The following EFNB3 variants were observed in gnomAD, a reference collection of about 807,000 sequenced individuals.
The protein encoded by EFNB3 is ephrin-B3.
EFNB3 carries 14 observed loss-of-function variants against 29.8 expected under a neutral mutation model. The ratio of observed to expected loss-of-function variants is 0.47; its 90% CI spans 0.31 to 0.73. The LOEUF (loss-of-function observed/expected upper bound fraction) is 0.73. Among genes scored for constraint, EFNB3 ranks in the 30% least tolerant of loss-of-function variants. The pLI is 0.05. For synonymous variants in EFNB3, 216 were observed against 191.6 expected (o/e 1.13, Z -1.05); for missense variants, 408 against 458.0 (o/e 0.89, Z 1.00).
rs1380331340 is a variant in EFNB3 at position 7,708,947 on chromosome 17, C to T, written c.613+208C>T. Among the ~76,000 whole-genome samples, 64 of 152,220 alleles carry T rather than the reference C, an allele frequency of 4.2e-4. No individual in the cohort carries two copies. The highest frequency in any genetic ancestry group is 1.5e-4 in the Non-Finnish European group (10 of 68,034). ...TAATTAGCCAAGTCAGTGCTTCAAT[C>T]AGTGCTGTCAGAGAAGTGGGGAGGA... On this transcript the variant is annotated intron_variant, in intron 4 of 4. Transcript: ENST00000226091. The surrounding 1 kb of genome is among the most constrained non-coding windows in gnomAD (Gnocchi z 6.8).
chr17:7,706,943 C>G (rs1303204628), intron 1 of EFNB3, among the ~76,000 whole-genome samples: 1 of 152,140 alleles, frequency 6.6e-6, no homozygotes, highest in Non-Finnish European at 1.5e-5. Flanking sequence ...CTCAGTCACC[C>G]ACCTGCCAAC....
chr17:7,706,740 G>A (rs1207689271), intron 1 of EFNB3, among the ~76,000 whole-genome samples: 4 of 152,196 alleles, frequency 2.6e-5, no homozygotes. Context: ...TTCTGAGTTT[G>A]TATCCTCAAT....
chr17:7,705,656 G>A lies in EFNB3; in HGVS notation c.58G>A (p.Gly20Arg). 1 of 1,525,692 alleles carries A rather than the reference G, an allele frequency of 6.6e-7. No individual in the cohort carries two copies. The allele number at this position is 1,525,692 out of a possible 1,614,324, so 94.5% of individuals were successfully genotyped here. ...GCGAGTCGGGGCCCTGCTGCTGCTG[G>A]GGGTTTTGGGGCTGGTGTCTGGGCT... ...GVRVGALLLL[G>R]VLGLVSGLSL... Residue 20 changes from glycine to arginine, a missense_variant, in exon 1 of 5, where the codon GGG becomes AGG. By Grantham distance (125) the Gly-to-Arg change is moderately radical. Transcript: ENST00000226091. The surrounding 1 kb of genome is among the most constrained non-coding windows in gnomAD (Gnocchi z 5.4).
In EFNB3 at chr17:7,707,813, A is replaced by G. The variant is rs1010684745; in HGVS notation, c.123-145A>G. On this transcript the variant is annotated intron_variant, in intron 1 of 4. Coordinates refer to ENST00000226091, the MANE Select transcript of EFNB3 (RefSeq NM_001406.4). The stretch of plus-strand genomic sequence containing the variant: ...ACAGAGTCCTTGGTGCCTGCTCTAT[A>G]AGAAGAGACTTTCCACTCAGACAAA... 4.3e-6 allele frequency: 4 copies of G among 919,896 alleles called. No homozygotes were observed. In the African/African-American group the frequency reaches 6.7e-5, roughly 15 times the overall value. The allele number at this position is 919,896 out of a possible 1,614,324, so 57.0% of individuals were successfully genotyped here.
Position 7,709,949 on chromosome 17 carries a change from C to T in EFNB3, c.*373C>T. On this transcript the variant is annotated 3_prime_UTR_variant, in exon 5 of 5. Coordinates refer to ENST00000226091, the MANE Select transcript of EFNB3 (RefSeq NM_001406.4). The surrounding 1 kb of genome is among the most constrained non-coding windows in gnomAD (Gnocchi z 4.5). ...TTGGCACCGCCTTCTTTCTGCCTCT[C>T]ACTGGTTTTCTCTTCTCTATCTCTT... 1 of 367,920 alleles carries T rather than the reference C, an allele frequency of 2.7e-6. No individual in the cohort carries two copies. The highest frequency in any genetic ancestry group is 5.0e-6 in the Non-Finnish European group (1 of 200,932). The allele number at this position is 367,920 out of a possible 1,614,324, so 22.8% of individuals were successfully genotyped here.
Position 7,708,453 on chromosome 17 carries a change from G to T in EFNB3, c.434G>T (p.Arg145Leu). Residue 145 changes from arginine to leucine, a missense_variant, in exon 3 of 5, where the codon CGG (arginine) becomes CTG (leucine). Around this residue, in one of 3 missense-constraint regions of EFNB3, gnomAD observed 47 missense variants for 86.6 expected, o/e 0.54. Transcript: ENST00000226091. This position sits in a 1 kb window ranked among gnomAD's most constrained non-coding sequence, Gnocchi z 6.8. ...CTCCCAGCCACATCGGATGGGACCC[G>T]GGAGGGCCTGGAGAGCCTGCAGGGA... ...YYIIATSDGT[R>L]EGLESLQGGV... is the part of the protein sequence containing the mutation. 1 of 1,613,536 alleles carries T rather than the reference G, an allele frequency of 6.2e-7. No individual in the cohort carries two copies. The highest frequency in any genetic ancestry group is 1.1e-5 in the South Asian group (1 of 90,956).
At chr17:7,706,353 CT>C in intron 1 of EFNB3, among the ~76,000 whole-genome samples, 1 of 152,206 alleles carries the variant, frequency 6.6e-6, no homozygotes. Context: ...CTGGAGCCCC[CT>C]GAACCCTCCT....
rs775048657 is a variant in EFNB3 at position 7,708,427 on chromosome 17, T to C, written c.416-8T>C. 4 of 1,610,300 alleles carry C rather than the reference T, an allele frequency of 2.5e-6. No individual in the cohort carries two copies. The highest frequency in any genetic ancestry group is 4.5e-5 in the East Asian group (2 of 44,830). On this transcript the variant is annotated splice_region_variant and splice_polypyrimidine_tract_variant and intron_variant, in intron 2 of 4. Transcript: ENST00000226091. This position sits in a 1 kb window ranked among gnomAD's most constrained non-coding sequence, Gnocchi z 6.8. ...TGCCAACCTCTTCCTCTGGCTTTTC[T>C]CTCCCAGCCACATCGGATGGGACCC...
At chr17:7,707,057 G>A (rs79220810) in intron 1 of EFNB3, among the ~76,000 whole-genome samples, 4,402 of 152,230 alleles carry the variant, frequency 0.029, 89 homozygotes, top group African/African-American at 0.059. Context: ...TCTTTCGGAT[G>A]TGGGGTGGGA....
chr17:7,709,083 G>C lies in EFNB3; in HGVS notation c.614-84G>C. On this transcript the variant is annotated intron_variant, in intron 4 of 4. Coordinates refer to ENST00000226091, the MANE Select transcript of EFNB3 (RefSeq NM_001406.4). This position sits in a 1 kb window ranked among gnomAD's most constrained non-coding sequence, Gnocchi z 4.5. The stretch of plus-strand genomic sequence containing the variant: ...TGGGCGCTACAAGGGAAGCCCATGG[G>C]GACCCCCAGGGTTGGGTGTCCAGGT... 1.9e-5 allele frequency: 27 copies of C among 1,391,622 alleles called. No homozygotes were observed. Among genetic ancestry groups the C allele is most frequent in the Non-Finnish European group, 2.7e-5 (27 of 1,013,478 alleles). The allele number at this position is 1,391,622 out of a possible 1,614,324, so 86.2% of individuals were successfully genotyped here. A position where few individuals can be genotyped will look rare whatever the true frequency, so the allele number is the denominator to read the frequency against.
Position 7,708,299 on chromosome 17 carries a change from G to A in EFNB3, c.415+49G>A. The A allele has an allele frequency of 6.3e-7, 1 of 1,593,972 alleles. No homozygotes were observed. The highest frequency in any genetic ancestry group is 8.5e-7 in the Non-Finnish European group (1 of 1,170,048). ...TTGAGTGGGGGGCTCCTGATACTGA[G>A]CAGAGAGGGAGGGGGACCCCTGCAG... On this transcript the variant is annotated intron_variant, in intron 2 of 4. Coordinates refer to ENST00000226091, the MANE Select transcript of EFNB3 (RefSeq NM_001406.4). The surrounding 1 kb of genome is among the most constrained non-coding windows in gnomAD (Gnocchi z 6.8).
Position 7,705,323 on chromosome 17 carries a change from A to C in EFNB3, c.-276A>C. On this transcript the variant is annotated 5_prime_UTR_variant, in exon 1 of 5. Transcript: ENST00000226091. This position sits in a 1 kb window ranked among gnomAD's most constrained non-coding sequence, Gnocchi z 5.4. ...CCCCCGCCCGGTCCCCGGCTCCCCC[A>C]GTCCCCCACTTAGGCGGGCTCACAG... 4.0e-6 allele frequency: 1 copy of C among 250,448 alleles called. No homozygotes were observed. The allele number at this position is 250,448 out of a possible 1,614,324, so 15.5% of individuals were successfully genotyped here.
intron 1 of EFNB3, among the ~76,000 whole-genome samples, chr17:7,706,282 G>T (rs566735245): frequency 2.8e-4 from 42 of 151,968 alleles, no homozygotes; most frequent in African/African-American, 8.9e-4. Flanking sequence ...TTGGCTGAAC[G>T]ATTTCCCAGC....
Position 7,709,049 on chromosome 17 carries a change from C to A in EFNB3, c.614-118C>A. ...GGAGGGGGAGGAGAGATGGGGTCCC[C>A]AAGGGGCCTGGGCGCTACAAGGGAA... is the stretch of plus-strand genomic sequence containing the variant. On this transcript the variant is annotated intron_variant, in intron 4 of 4. Transcript: ENST00000226091. This position sits in a 1 kb window ranked among gnomAD's most constrained non-coding sequence, Gnocchi z 4.5. 2 of 1,090,310 alleles carry A rather than the reference C, an allele frequency of 1.8e-6. No homozygotes were observed. Among genetic ancestry groups the A allele is most frequent in the Admixed American group, 2.3e-5 (1 of 43,998 alleles). 67.5% of individuals were successfully genotyped at this position (1,090,310 alleles called of 1,614,324 possible).
rs766048698 is a variant in EFNB3, at chr17:7,708,090, G to A, written c.255G>A (p.Gly85=). The part of the protein sequence containing the change: ...NYEFYKLYLV[G]GAQGRRCEAP... ...AGTTCTACAAGCTGTACCTGGTAGG[G>A]GGTGCTCAGGGCCGGCGCTGTGAGG... Residue 85 remains glycine, a synonymous_variant, in exon 2 of 5, where the codon GGG becomes GGA. Coordinates refer to ENST00000226091, the MANE Select transcript of EFNB3 (RefSeq NM_001406.4). This position sits in a 1 kb window ranked among gnomAD's most constrained non-coding sequence, Gnocchi z 6.8. 27 of 1,614,096 alleles carry A rather than the reference G, an allele frequency of 1.7e-5. No individual in the cohort carries two copies. The highest frequency in any genetic ancestry group is 2.3e-5 in the Non-Finnish European group (27 of 1,180,014).
Position 7,710,391 on chromosome 17 carries a change from G to A in EFNB3, c.*815G>A, listed in dbSNP as rs1264914453. The A allele has an allele frequency of 2.0e-5, 3 of 152,686 alleles. No homozygotes were observed. The highest frequency in any genetic ancestry group is 4.1e-4 in the South Asian group (2 of 4,838). The allele number at this position is 152,686 out of a possible 1,614,324, so 9.5% of individuals were successfully genotyped here. A position where few individuals can be genotyped will look rare whatever the true frequency, so the allele number is the denominator to read the frequency against. ...ACATGTATGGACTTGGTCTGATGCT[G>A]AATGGGCCACTTGGGACCGGAAGTG... On this transcript the variant is annotated 3_prime_UTR_variant, in exon 5 of 5. Transcript: ENST00000226091.
rs2074348953 is a variant in EFNB3, at chr17:7,711,368, G to C, written c.*1792G>C. On this transcript the variant is annotated 3_prime_UTR_variant, in exon 5 of 5. Transcript: ENST00000226091. ...AAAATAAAAATAAAAAACTTCAAAA[G>C]TTGACAAGAAGGCTGGAGAATGACT... 1 of 152,538 alleles carries C rather than the reference G, an allele frequency of 6.6e-6. No individual in the cohort carries two copies. Among genetic ancestry groups the C allele is most frequent in the African/African-American group, 2.4e-5 (1 of 41,452 alleles). 9.4% of individuals were successfully genotyped at this position (152,538 alleles called of 1,614,324 possible).
chr17:7,706,148 C>T (rs568334089), intron 1 of EFNB3, among the ~76,000 whole-genome samples: 1 of 149,848 alleles, frequency 6.7e-6, no homozygotes, highest in Admixed American at 6.7e-5. Context: ...AGGGACTGCG[C>T]ATCCGAGATG....
At position 7,708,714 on chromosome 17, in the gene EFNB3, G is replaced by A; in HGVS notation, c.588G>A (p.Leu196=). Residue 196 remains leucine (L), a synonymous_variant, in exon 4 of 5, where the codon CTG becomes CTA. Coordinates refer to ENST00000226091, the MANE Select transcript of EFNB3 (RefSeq NM_001406.4). The surrounding 1 kb of genome is among the most constrained non-coding windows in gnomAD (Gnocchi z 6.8). ...GAGACCGAGGGGCAGCCCACAGCCT[G>A]GAGCCTGGGAAGGAGAACCTGCCAG... ...MERDRGAAHS[L]EPGKENLPGD... 6.4e-7 allele frequency: 1 copy of A among 1,570,300 alleles called. No homozygotes were observed. The highest frequency in any genetic ancestry group is 2.4e-5 in the East Asian group (1 of 42,260).
Sources: gnomAD v4.1 joint callset for allele counts (sites outside exome capture counted in the v4.1 genomes callset) on GRCh38, gnomAD v4.1.1 for gene constraint, gnomAD v4.1.1 regional missense constraint, Gnocchi (gnomAD v3.1) non-coding constraint, MANE v1.5 for transcripts, NCBI Gene and HGNC (gene_info 2026-07-23, HGNC 2026-07-21) for gene names.